Variants in PCDHGB4 observed in about 807,000 individuals in gnomAD.
The protein encoded by PCDHGB4 is protocadherin gamma subfamily B, 4.
In PCDHGB4, 38 loss-of-function variants were observed where a neutral mutation model predicts 60.5. That is an observed-to-expected ratio of 0.63 (90% CI 0.48 to 0.82). The LOEUF (loss-of-function observed/expected upper bound fraction) is 0.82, where lower values mean the gene tolerates loss of function less well. Ranked by LOEUF, PCDHGB4 falls within the 40% of genes least tolerant of loss-of-function variation. The pLI is 0.00. For missense variants in PCDHGB4, 1,109 were observed against 1,209.6 expected (o/e 0.92, Z 1.23); for synonymous variants, 456 against 509.7 (o/e 0.89, Z 1.42).
chr5:141,410,215 A>G (rs2095369286), intron 1 of PCDHGB4: 11 of 1,613,894 alleles, frequency 6.8e-6, no homozygotes, highest in Non-Finnish European at 8.5e-6. Flanking sequence ...TGCAAGAGAT[A>G]CTGCCAGACC....
At chr5:141,407,707 G>A (rs894295431) in intron 1 of PCDHGB4, among the ~76,000 whole-genome samples, 1 of 151,964 alleles carries the variant, frequency 6.6e-6, no homozygotes, top group African/African-American at 2.4e-5. Flanking sequence ...TTGAAGGTGG[G>A]GTGATGGCTA....
In PCDHGB4 at chr5:141,432,113, T is replaced by G. The variant is rs1174697940; in HGVS notation, c.2397+41832T>G. 1 of 1,614,078 alleles carries G rather than the reference T, an allele frequency of 6.2e-7. No homozygotes were observed. The highest frequency in any genetic ancestry group is 8.5e-7 in the Non-Finnish European group (1 of 1,180,006). On this transcript the variant is annotated intron_variant, in intron 1 of 3. Coordinates refer to ENST00000519479, the MANE Select transcript of PCDHGB4 (RefSeq NM_003736.4). The surrounding 1 kb of genome is among the most constrained non-coding windows in gnomAD (Gnocchi z 6.0). ...AGACACCAACGACAACCCGCCGGTC[T>G]TCCCTCAGGCCTCCTATTCCGCTTA... is the stretch of plus-strand genomic sequence containing the variant.
chr5:141,473,860 A>G (rs184722742), intron 1 of PCDHGB4, among the ~76,000 whole-genome samples: 409 of 152,318 alleles, frequency 2.7e-3, no homozygotes, highest in Middle Eastern at 6.8e-3. Context: ...GAACCTCGCT[A>G]TTGTGGAGAA....
Position 141,486,173 on chromosome 5 carries a change from T to C in PCDHGB4, c.2398-8634T>C. 1 of 1,614,220 alleles carries C rather than the reference T, an allele frequency of 6.2e-7. No homozygotes were observed. Among genetic ancestry groups the C allele is most frequent in the Non-Finnish European group, 8.5e-7 (1 of 1,180,042 alleles). ...GGGTTCTCCAGCCATGGAGCAACATTGCAGCCTTCGAGTGGATCTGCTGGA... is the reference window on the plus strand; with the variant it reads ...GGGTTCTCCAGCCATGGAGCAACATCGCAGCCTTCGAGTGGATCTGCTGGA... On this transcript the variant is annotated intron_variant, in intron 1 of 3. Transcript: ENST00000519479. The surrounding 1 kb of genome is among the most constrained non-coding windows in gnomAD (Gnocchi z 5.0).
intron 1 of PCDHGB4, chr5:141,475,956 G>T (rs2099382674): frequency 2.5e-6 from 2 of 805,186 alleles, no homozygotes; most frequent in South Asian, 1.9e-5. Flanking sequence ...TCTGCGCCCC[G>T]GGATGAGGCA....
chr5:141,499,408 G>C (rs1178843162), intron 2 of PCDHGB4, among the ~76,000 whole-genome samples: 1 of 151,896 alleles, frequency 6.6e-6, no homozygotes, highest in Non-Finnish European at 1.5e-5. Context: ...GCTCATTATA[G>C]AAACATGAAA....
rs2099664737 is a variant in PCDHGB4, at chr5:141,487,754, G to GTAGAC, written c.2398-7052_2398-7048dup. 1 of 1,552,036 alleles carries GTAGAC rather than the reference G, an allele frequency of 6.4e-7. No homozygotes were observed. The highest frequency in any genetic ancestry group is 1.4e-5 in the African/African-American group (1 of 73,242). ...CATTTTTGTAAGAGGTAACTATGTG[G>GTAGAC]TAGACGCTGTGCTTTGTAACTGTTT... On this transcript the variant is annotated intron_variant, in intron 1 of 3. Transcript: ENST00000519479. This position sits in a 1 kb window ranked among gnomAD's most constrained non-coding sequence, Gnocchi z 5.0.
intron 1 of PCDHGB4, chr5:141,478,910 A>C (rs568573298): frequency 1.1e-6 from 1 of 893,688 alleles, no homozygotes; most frequent in Non-Finnish European, 1.6e-6. Context: ...AAGCTGCTGG[A>C]TACCTCTAAC....
intron 1 of PCDHGB4, chr5:141,422,581 G>C: frequency 6.2e-7 from 1 of 1,613,984 alleles, no homozygotes; most frequent in Non-Finnish European, 8.5e-7. Context: ...TAACCCTCCC[G>C]TTTTTCCTCA....
rs756094875 is a variant in PCDHGB4 at position 141,419,594 on chromosome 5, C to T, written c.2397+29313C>T. 2.6e-5 allele frequency: 42 copies of T among 1,611,572 alleles called. No homozygotes were observed. Among genetic ancestry groups the T allele is most frequent in the Admixed American group, 3.3e-5 (2 of 59,964 alleles). ...CGGCTCCGCGCTCTTCGACACAGTG[C>T]CGCGGGCCGCGCAGCCAGGCTACCT... On this transcript the variant is annotated intron_variant, in intron 1 of 3. Transcript: ENST00000519479.
chr5:141,421,561 G>T (rs2096583505), intron 1 of PCDHGB4: 1 of 1,613,992 alleles, frequency 6.2e-7, no homozygotes, highest in Non-Finnish European at 8.5e-7. Context: ...ACTTCTCGTG[G>T]AAGACACCTT....
intron 1 of PCDHGB4, among the ~76,000 whole-genome samples, chr5:141,436,720 A>G (rs1337926057): frequency 1.5e-4 from 23 of 152,216 alleles, no homozygotes; most frequent in Non-Finnish European, 3.4e-4. Context: ...TCTGTTGGGA[A>G]AAATAATAAT....
At chr5:141,435,497 C>T (rs1234443531) in intron 1 of PCDHGB4, among the ~76,000 whole-genome samples, 1 of 152,154 alleles carries the variant, frequency 6.6e-6, no homozygotes, top group African/African-American at 2.4e-5. Context: ...ATTTCCTACA[C>T]TAATGATACT....
At chr5:141,403,701 A>C in intron 1 of PCDHGB4, 2 of 1,613,934 alleles carry the variant, frequency 1.2e-6, no homozygotes, top group South Asian at 2.2e-5. Flanking sequence ...TACCGAGTTA[A>C]AGTCCTTGAG....
At chr5:141,506,247 G>A (rs113270457) in intron 3 of PCDHGB4, among the ~76,000 whole-genome samples, 8,033 of 152,078 alleles carry the variant, frequency 0.053, 470 homozygotes, top group African/African-American at 0.14. Flanking sequence ...TCAGGAGTTC[G>A]AAACCGGCCT....
intron 1 of PCDHGB4, among the ~76,000 whole-genome samples, chr5:141,435,946 A>C (rs953432473): frequency 6.6e-6 from 1 of 152,174 alleles, no homozygotes; most frequent in Non-Finnish European, 1.5e-5. Flanking sequence ...CTGAGACCAA[A>C]AAAGGGGGCA....
At chr5:141,403,001 T>C (rs1189114508) in intron 1 of PCDHGB4, 11 of 1,613,878 alleles carry the variant, frequency 6.8e-6, no homozygotes, top group African/African-American at 1.3e-5. Flanking sequence ...AGTCCTGCTA[T>C]GCTCGCTCCT....
At chr5:141,413,637 G>T in intron 1 of PCDHGB4, 8 of 1,613,888 alleles carry the variant, frequency 5.0e-6, no homozygotes, top group Non-Finnish European at 6.8e-6. Context: ...CTGCGGGAAT[G>T]CGTTTTCCTC....
Position 141,404,163 on chromosome 5 carries a change from T to C in PCDHGB4, c.2397+13882T>C, listed in dbSNP as rs372897104. The C allele has an allele frequency of 4.6e-5, 74 of 1,613,126 alleles. No homozygotes were observed. The South Asian group carries it at 7.9e-4, about 17-fold the overall frequency. ...AATTCAGAAGAAGATTATTACAGATTGTTGACGGCCCAAATTCTTGACCGA... is the reference window on the plus strand; with the variant it reads ...AATTCAGAAGAAGATTATTACAGATCGTTGACGGCCCAAATTCTTGACCGA... On this transcript the variant is annotated intron_variant, in intron 1 of 3. Transcript: ENST00000519479.
Sources: gnomAD v4.1 joint callset for allele counts (sites outside exome capture counted in the v4.1 genomes callset) on GRCh38, gnomAD v4.1.1 for gene constraint, Gnocchi (gnomAD v3.1) non-coding constraint, MANE v1.5 for transcripts, NCBI Gene and HGNC (gene_info 2026-07-23, HGNC 2026-07-21) for gene names.